PTK2B: variants seen among roughly 807,000 people sequenced by gnomAD.
The protein encoded by PTK2B is protein tyrosine kinase 2 beta.
PTK2B carries 71 observed loss-of-function variants against 142.9 expected under a neutral mutation model. The observed-to-expected ratio is 0.50, with a 90% CI of 0.41 to 0.61. The LOEUF is 0.61. PTK2B is among the 20% of genes least tolerant of loss of function. The pLI is 0.00. For synonymous variants in PTK2B, 519 were observed against 503.4 expected (o/e 1.03, Z -0.42); for missense variants, 1,105 against 1,320.4 (o/e 0.84, Z 2.53).
chr8:27,369,559 A>G (rs1325974888), intron 1 of PTK2B, among the ~76,000 whole-genome samples: 1 of 151,854 alleles, frequency 6.6e-6, no homozygotes, highest in Admixed American at 6.6e-5. Context: ...TGTCCCAGCT[A>G]CTGGGGAGGC....
rs903666983 is a variant in PTK2B at position 27,459,081 on chromosome 8, C to T, written c.*572C>T. 4.8e-5 allele frequency: 12 copies of T among 250,062 alleles called. No homozygotes were observed. The East Asian group carries it at 7.0e-4, about 15-fold the overall frequency. The allele number at this position is 250,062 out of a possible 1,614,324, so 15.5% of individuals were successfully genotyped here. The stretch of plus-strand genomic sequence containing the variant: ...CCCTCCTGAGGGAGGACCTGGGGCA[C>T]AGTCCAGGAACAAGCTAATTGGGAG... On this transcript the variant is annotated 3_prime_UTR_variant, in exon 31 of 31. Transcript: ENST00000346049.
At chr8:27,455,388 A>G (rs1339444591) in intron 30 of PTK2B, among the ~76,000 whole-genome samples, 1 of 152,132 alleles carries the variant, frequency 6.6e-6, no homozygotes, top group Non-Finnish European at 1.5e-5. Flanking sequence ...ACATGGCAAA[A>G]CCATACAAAA....
At chr8:27,428,255 C>A (rs1375393018) in intron 5 of PTK2B, among the ~76,000 whole-genome samples, 1 of 152,226 alleles carries the variant, frequency 6.6e-6, no homozygotes, top group African/African-American at 2.4e-5. Flanking sequence ...GCTGTAAATA[C>A]AGATGAAACT....
chr8:27,383,481 G>A (rs1047407047), intron 1 of PTK2B, among the ~76,000 whole-genome samples: 28 of 151,980 alleles, frequency 1.8e-4, no homozygotes, highest in Admixed American at 1.8e-3. Flanking sequence ...GGCTGGTCTC[G>A]AGCTCCTGAC....
chr8:27,347,442 G>T (rs1255149343), intron 1 of PTK2B, among the ~76,000 whole-genome samples: 1 of 152,164 alleles, frequency 6.6e-6, no homozygotes, highest in African/African-American at 2.4e-5. Flanking sequence ...CACAGACTGG[G>T]CAGCTTCAAC....
intron 1 of PTK2B, among the ~76,000 whole-genome samples, chr8:27,366,399 G>A (rs898708655): frequency 2.0e-5 from 3 of 152,204 alleles, no homozygotes; most frequent in African/African-American, 7.2e-5. Context: ...AATCACCCAG[G>A]CGACATCCAG....
chr8:27,322,232 A>G (rs1305841516), upstream of PTK2B, among the ~76,000 whole-genome samples: 2 of 152,246 alleles, frequency 1.3e-5, no homozygotes, highest in Non-Finnish European at 2.9e-5. Flanking sequence ...TTTATTCTAC[A>G]TAATAGTAAA....
chr8:27,372,950 A>ACTTCAAGTCTTCT (rs1339388423), intron 1 of PTK2B, among the ~76,000 whole-genome samples: 2 of 152,084 alleles, frequency 1.3e-5, no homozygotes, highest in African/African-American at 4.8e-5. Flanking sequence ...CTATGTGGCC[A>ACTTCAAGTCTTCT]CTTCAAGTCT....
chr8:27,358,347 T>G (rs1805505021), intron 1 of PTK2B, among the ~76,000 whole-genome samples: 1 of 152,244 alleles, frequency 6.6e-6, no homozygotes, highest in Non-Finnish European at 1.5e-5. Context: ...TTGCTTTATA[T>G]TTTTAATTGT....
intron 2 of PTK2B, among the ~76,000 whole-genome samples, chr8:27,405,657 A>G (rs17376459): frequency 0.14 from 20,695 of 152,252 alleles, 1,708 homozygotes; most frequent in Admixed American, 0.2. Flanking sequence ...TACAGAGGCC[A>G]GCACAAGGTA....
intron 1 of PTK2B, among the ~76,000 whole-genome samples, chr8:27,346,069 G>A (rs1804693603): frequency 6.6e-6 from 1 of 152,158 alleles, no homozygotes; most frequent in South Asian, 2.1e-4. Flanking sequence ...ATTCCCTCTT[G>A]CAATTTTGAA....
Position 27,439,067 on chromosome 8 carries a change from T to C in PTK2B, c.1680T>C (p.Pro560=). ...TCCGGAACATCCTGGTGGCCTCCCC[T>C]GAGTGTGTGAAGCTGGGGGACTTTG... is the stretch of plus-strand genomic sequence containing the variant. The part of the protein sequence containing the change: ...IAVRNILVAS[P]ECVKLGDFGL... Residue 560 remains proline (P), a synonymous_variant, in exon 19 of 31, where the codon CCT becomes CCC. Transcript: ENST00000346049. 6.2e-7 allele frequency: 1 copy of C among 1,614,118 alleles called. No homozygotes were observed. The highest frequency in any genetic ancestry group is 8.5e-7 in the Non-Finnish European group (1 of 1,179,976).
chr8:27,405,634 C>G (rs1808665323), intron 2 of PTK2B, among the ~76,000 whole-genome samples: 1 of 152,226 alleles, frequency 6.6e-6, no homozygotes, highest in Non-Finnish European at 1.5e-5. Context: ...CAGCCCGCCC[C>G]CACACAGACA....
At chr8:27,421,357 T>G (rs1346641101) in intron 4 of PTK2B, among the ~76,000 whole-genome samples, 1 of 152,018 alleles carries the variant, frequency 6.6e-6, no homozygotes, top group Admixed American at 6.6e-5. Context: ...ACAGGTGGTG[T>G]TGGTTACATG....
chr8:27,387,669 A>T (rs1423997157), intron 1 of PTK2B, among the ~76,000 whole-genome samples: 2 of 152,164 alleles, frequency 1.3e-5, no homozygotes, highest in African/African-American at 4.8e-5. Context: ...ATAGTTTCTT[A>T]GGGGTTTTCT....
intron 1 of PTK2B, among the ~76,000 whole-genome samples, chr8:27,361,503 C>G (rs1005769849): frequency 4.6e-5 from 7 of 152,286 alleles, no homozygotes; most frequent in Non-Finnish European, 8.8e-5. Context: ...GGATTACAGG[C>G]ATGAGCCACC....
chr8:27,458,378 TC>T lies in PTK2B; in HGVS notation c.2902del (p.Leu968Ter). 2 of 1,613,700 alleles carry T rather than the reference TC, an allele frequency of 1.2e-6. No homozygotes were observed. Among genetic ancestry groups the T allele is most frequent in the Non-Finnish European group, 1.7e-6 (2 of 1,179,838 alleles). On this transcript the variant is annotated frameshift_variant, in exon 31 of 31. Transcript: ENST00000346049. LOFTEE classifies it high-confidence loss of function. The part of the protein sequence containing the change: ...MRLAQQNAVT[S>X]LSEECKRQML... ...GCTGGCACAGCAGAACGCCGTGACCTCCCTAAGTGAGGAGTGCAAGAGGCAG... is the reference window on the plus strand; with the variant it reads ...GCTGGCACAGCAGAACGCCGTGACCTCCTAAGTGAGGAGTGCAAGAGGCAG...
chr8:27,431,570 CCT>C, intron 9 of PTK2B, 98 bp downstream of exon 9: 1 of 1,487,388 alleles, frequency 6.7e-7, no homozygotes, highest in South Asian at 1.2e-5. Context: ...TCTTCTTGCC[CCT>C]GTTGCTGAAA....
At chr8:27,454,734 G>C in intron 30 of PTK2B, 123 bp downstream of exon 30, 1 of 1,048,758 alleles carries the variant, frequency 9.5e-7, no homozygotes, top group Non-Finnish European at 1.4e-6. Flanking sequence ...CCCACCAGGT[G>C]GGTTCTATGT....
Sources: allele counts gnomAD v4.1 joint callset (sites outside exome capture counted in the v4.1 genomes callset), GRCh38; gene constraint gnomAD v4.1.1; transcripts MANE v1.5; gene names NCBI Gene and HGNC (gene_info 2026-07-23, HGNC 2026-07-21).